The following MGMT variants were observed in gnomAD, a reference collection of about 807,000 sequenced individuals.
MGMT encodes methylated-DNA--protein-cysteine methyltransferase.
Under a neutral mutation model 15.9 loss-of-function variants are expected in MGMT, and 14 were observed. The ratio of observed to expected loss-of-function variants is 0.88; its 90% CI spans 0.58 to 1.37. The LOEUF is 1.37. Among genes scored for constraint, MGMT ranks in the 40% most tolerant of loss-of-function variants. The pLI is 0.00. For synonymous variants in MGMT, 130 were observed against 118.2 expected (o/e 1.10, Z -0.65); for missense variants, 282 against 268.1 (o/e 1.05, Z -0.36).
At position 129,536,366 on chromosome 10, in the gene MGMT, G is replaced by C; in HGVS notation, c.114G>C (p.Thr38=). 1.9e-6 allele frequency: 3 copies of C among 1,613,068 alleles called. No homozygotes were observed. Among genetic ancestry groups the C allele is most frequent in the Non-Finnish European group, 2.5e-6 (3 of 1,179,784 alleles). ...AAATAAAGCTCCTGGGCAAGGGGACGTCTGCAGCTGAGTAAGTATGAGCCC... is the reference window on the plus strand; with the variant it reads ...AAATAAAGCTCCTGGGCAAGGGGACCTCTGCAGCTGAGTAAGTATGAGCCC... ...LHEIKLLGKG[T]SAADAVEVPA... Residue 38 remains threonine (T), a synonymous_variant, in exon 2 of 5, where the codon ACG becomes ACC. Coordinates refer to ENST00000651593, the MANE Select transcript of MGMT (RefSeq NM_002412.5).
intron 2 of MGMT, among the ~76,000 whole-genome samples, chr10:129,657,707 G>A (rs12413713): frequency 0.36 from 39,454 of 110,534 alleles, 6,000 homozygotes; most frequent in Admixed American, 0.38. Flanking sequence ...ACACACACAC[G>A]CACACACACA....
intron 2 of MGMT, among the ~76,000 whole-genome samples, chr10:129,630,551 C>T (rs550679439): frequency 1.3e-5 from 2 of 152,290 alleles, no homozygotes; most frequent in South Asian, 4.1e-4. Context: ...AAACTCATTG[C>T]AGTGTTTAAA....
intron 1 of MGMT, among the ~76,000 whole-genome samples, chr10:129,515,909 G>A (rs2388331): frequency 0.39 from 59,251 of 152,094 alleles, 12,757 homozygotes; most frequent in East Asian, 0.63. Context: ...CAGTCTTTCT[G>A]TGAAGGGTCT....
intron 2 of MGMT, among the ~76,000 whole-genome samples, chr10:129,679,229 C>T (rs1847820046): frequency 6.6e-5 from 10 of 152,066 alleles, no homozygotes; most frequent in Admixed American, 5.9e-4. Context: ...TTTATCTATT[C>T]CCCAAAATTT....
intron 1 of MGMT, among the ~76,000 whole-genome samples, chr10:129,523,953 C>G (rs1237660738): frequency 6.6e-6 from 1 of 152,210 alleles, no homozygotes; most frequent in Non-Finnish European, 1.5e-5. Context: ...TGGAAGTGTC[C>G]GCTCAGACAC....
intron 2 of MGMT, among the ~76,000 whole-genome samples, chr10:129,672,587 A>G (rs1220263128): frequency 1.3e-5 from 2 of 152,152 alleles, no homozygotes; most frequent in Non-Finnish European, 2.9e-5. Context: ...CTAACAGTTC[A>G]TTAGTTTTCT....
chr10:129,526,654 C>T (rs985838241), intron 1 of MGMT, among the ~76,000 whole-genome samples: 7 of 152,152 alleles, frequency 4.6e-5, no homozygotes, highest in Admixed American at 6.5e-5. Flanking sequence ...TCACCACACC[C>T]GGCTAGTCTG....
rs200363326 is a variant in MGMT at position 129,707,959 on chromosome 10, G to C, written c.190G>C (p.Ala64Pro). 9 of 1,613,474 alleles carry C rather than the reference G, an allele frequency of 5.6e-6. No individual in the cohort carries two copies. Among genetic ancestry groups the C allele is most frequent in the Non-Finnish European group, 7.6e-6 (9 of 1,180,032 alleles). The change falls in exon 3 of 5, where the codon GCC (alanine) becomes CCC (proline). Residue 64 changes from alanine to proline, a missense_variant. Physicochemically the swap from Ala to Pro is conservative, Grantham distance 27. Coordinates refer to ENST00000651593, the MANE Select transcript of MGMT (RefSeq NM_002412.5). ...TCCGGAGCCCCTGATGCAGTGCACA[G>C]CCTGGCTGAATGCCTATTTCCACCA... The part of the protein sequence containing the change: ...GGPEPLMQCT[A>P]WLNAYFHQPE...
At chr10:129,672,875 A>C (rs552113787) in intron 2 of MGMT, among the ~76,000 whole-genome samples, 1 of 152,276 alleles carries the variant, frequency 6.6e-6, no homozygotes, top group African/African-American at 2.4e-5. Context: ...GTGCCATATT[A>C]GTACATTGGA....
chr10:129,642,807 C>A (rs537152474), intron 2 of MGMT, among the ~76,000 whole-genome samples: 4 of 152,272 alleles, frequency 2.6e-5, no homozygotes, highest in Non-Finnish European at 4.4e-5. Context: ...TGGCTCACGT[C>A]TGTAGTCACA....
At chr10:129,592,801 C>CT (rs56012994) in intron 2 of MGMT, among the ~76,000 whole-genome samples, 26,495 of 147,006 alleles carry the variant, frequency 0.18, 3,029 homozygotes, top group East Asian at 0.52. Context: ...TTAATTAATC[C>CT]TTTTTTTTTT....
chr10:129,486,407 T>C (rs1212425696), intron 1 of MGMT, among the ~76,000 whole-genome samples: 1 of 152,102 alleles, frequency 6.6e-6, no homozygotes, highest in African/African-American at 2.4e-5. Context: ...CAGGCTATTC[T>C]CGAACTCTTG....
intron 2 of MGMT, among the ~76,000 whole-genome samples, chr10:129,670,032 G>A (rs1847704357): frequency 6.6e-6 from 1 of 152,130 alleles, no homozygotes; most frequent in Non-Finnish European, 1.5e-5. Context: ...CTAAGTCATT[G>A]AAGTGCTTTG....
chr10:129,746,911 A>G (rs1002821342), intron 3 of MGMT, among the ~76,000 whole-genome samples: 1 of 152,190 alleles, frequency 6.6e-6, no homozygotes, highest in African/African-American at 2.4e-5. Flanking sequence ...TAATAAACCT[A>G]TAGGTCAGTT....
chr10:129,632,016 C>T (rs1847215210), intron 2 of MGMT, among the ~76,000 whole-genome samples: 1 of 152,254 alleles, frequency 6.6e-6, no homozygotes, highest in Non-Finnish European at 1.5e-5. Context: ...GGATTGCAGG[C>T]GTAAGCCACC....
intron 1 of MGMT, among the ~76,000 whole-genome samples, chr10:129,505,158 A>AT (rs1564836650): frequency 6.6e-6 from 1 of 152,118 alleles, no homozygotes; most frequent in Non-Finnish European, 1.5e-5. Context: ...AACTAGTAGG[A>AT]TTTTTTCCAG....
intron 1 of MGMT, among the ~76,000 whole-genome samples, chr10:129,482,454 A>G (rs1845368575): frequency 6.6e-6 from 1 of 152,086 alleles, no homozygotes; most frequent in Non-Finnish European, 1.5e-5. Context: ...AGCCTTCTAT[A>G]TCCTTATTGA....
chr10:129,749,088 A>G (rs534933278), intron 3 of MGMT, among the ~76,000 whole-genome samples: 1 of 152,234 alleles, frequency 6.6e-6, no homozygotes, highest in African/African-American at 2.4e-5. Flanking sequence ...TTCTCTTGTC[A>G]CAGTCTGTGT....
At chr10:129,673,474 GT>G (rs1847749324) in intron 2 of MGMT, among the ~76,000 whole-genome samples, 1 of 152,156 alleles carries the variant, frequency 6.6e-6, no homozygotes, top group Admixed American at 6.5e-5. Flanking sequence ...TGGTTAAGGT[GT>G]CTTCCTCGCA....
Sources: gnomAD v4.1 joint callset for allele counts (sites outside exome capture counted in the v4.1 genomes callset) on GRCh38, gnomAD v4.1.1 for gene constraint, MANE v1.5 for transcripts, NCBI Gene and HGNC (gene_info 2026-07-23, HGNC 2026-07-21) for gene names.